Variants in DNAH5 observed in about 807,000 individuals in gnomAD.
DNAH5 encodes the protein axonemal beta dynein heavy chain 5.
DNAH5 carries 372 observed loss-of-function variants against 518.2 expected under a neutral mutation model. The observed-to-expected ratio is 0.72, with a 90% confidence interval of 0.66 to 0.78. The LOEUF (loss-of-function observed/expected upper bound fraction) is 0.78. DNAH5 is among the 30% of genes least tolerant of loss of function. DNAH5 has a pLI of 0.00. For missense variants in DNAH5, 5,523 were observed against 5,687.0 expected (o/e 0.97, Z 0.93); for synonymous variants, 2,039 against 2,025.9 (o/e 1.01, Z -0.17).
chr5:13,834,212 T>C (rs1455515597), intron 35 of DNAH5, among the ~76,000 whole-genome samples: 2 of 146,492 alleles, frequency 1.4e-5, no homozygotes, highest in African/African-American at 5.2e-5. Flanking sequence ...CTTATTTTGC[T>C]TTTAAAGTTC....
intron 76 of DNAH5, among the ~76,000 whole-genome samples, chr5:13,704,457 T>A (rs1742527928): frequency 2.0e-5 from 3 of 152,238 alleles, no homozygotes; most frequent in Non-Finnish European, 4.4e-5. Context: ...TTCCAGCAGA[T>A]GGAAGCCACT....
At chr5:13,860,529 A>G (rs977798297) in intron 29 of DNAH5, 2 of 152,148 alleles carry the variant, frequency 1.3e-5, no homozygotes, top group African/African-American at 4.8e-5. Context: ...CGTTGCAAAG[A>G]TTGAGAACAA....
chr5:13,870,660 G>T, intron 24 of DNAH5, 107 bp downstream of exon 24: 2 of 1,018,888 alleles, frequency 2.0e-6, no homozygotes, highest in Non-Finnish European at 1.5e-6. Context: ...TTATTGTCTT[G>T]GTTTAGTAAC....
rs1161358788 is a variant in DNAH5 at position 13,735,801 on chromosome 5, C to T, written c.11570+17G>A. ...ACAGATATAGAATTCAGCTTGGCTT[C>T]CCGCGTACAGACGTACCTGGCTAAG... On this transcript the variant is annotated intron_variant, in intron 67 of 78. Coordinates refer to ENST00000265104, the MANE Select transcript of DNAH5 (RefSeq NM_001369.3). 1 of 1,596,112 alleles carries T rather than the reference C, an allele frequency of 6.3e-7. No homozygotes were observed. Among genetic ancestry groups the T allele is most frequent in the East Asian group, 2.2e-5 (1 of 44,782 alleles).
intron 12 of DNAH5, among the ~76,000 whole-genome samples, chr5:13,908,647 T>TAG (rs1180945368): frequency 6.6e-6 from 1 of 152,178 alleles, no homozygotes; most frequent in Non-Finnish European, 1.5e-5. Flanking sequence ...CACCCATCCT[T>TAG]TACTAAGTAG....
chr5:13,859,708 C>T, intron 29 of DNAH5, 103 bp from the exon 30 acceptor site: 1 of 1,097,592 alleles, frequency 9.1e-7, no homozygotes, highest in Non-Finnish European at 1.4e-6. Context: ...GCTTTCTTTA[C>T]AACCTTAATT....
intron 32 of DNAH5, among the ~76,000 whole-genome samples, chr5:13,843,486 T>G (rs766317590): frequency 3.3e-5 from 5 of 152,212 alleles, no homozygotes; most frequent in African/African-American, 7.2e-5. Context: ...TCCTAAGCCC[T>G]GATACCTGTG....
chr5:13,870,658 T>C, intron 24 of DNAH5, 109 bp downstream of exon 24: 1 of 1,013,434 alleles, frequency 9.9e-7, no homozygotes, highest in South Asian at 1.4e-5. Flanking sequence ...AATTATTGTC[T>C]TGGTTTAGTA....
At chr5:13,970,687 A>G (rs1313937394) in intron 1 of DNAH5, among the ~76,000 whole-genome samples, 1 of 152,206 alleles carries the variant, frequency 6.6e-6, no homozygotes, top group South Asian at 2.1e-4. Flanking sequence ...TTTATAGGTT[A>G]CCTGATGCTT....
chr5:13,739,117 A>C (rs1748020405), intron 65 of DNAH5, among the ~76,000 whole-genome samples: 1 of 152,082 alleles, frequency 6.6e-6, no homozygotes, highest in Non-Finnish European at 1.5e-5. Context: ...CCAAGCTCAC[A>C]TCTCTAGACC....
At chr5:13,753,033 G>C (rs2126699040) in intron 63 of DNAH5, among the ~76,000 whole-genome samples, 200 bp downstream of exon 63, 1 of 151,610 alleles carries the variant, frequency 6.6e-6, no homozygotes, top group Admixed American at 6.6e-5. Context: ...GATGGCATTG[G>C]TAGAGATCAA....
intron 58 of DNAH5, among the ~76,000 whole-genome samples, chr5:13,768,159 T>C (rs1043035935): frequency 1.3e-5 from 2 of 152,164 alleles, no homozygotes; most frequent in African/African-American, 4.8e-5. Flanking sequence ...CCAAATCTCA[T>C]CGCAAACTGT....
At position 13,900,144 on chromosome 5, in the gene DNAH5, A is replaced by AT. The variant is rs1294907677; in HGVS notation, c.2259+61dup. The AT allele has an allele frequency of 4.9e-6, 7 of 1,439,670 alleles. No individual in the cohort carries two copies. The East Asian group carries it at 6.9e-5, about 14-fold the overall frequency. 89.2% of individuals were successfully genotyped at this position (1,439,670 alleles called of 1,614,324 possible). On this transcript the variant is annotated intron_variant, in intron 15 of 78. Coordinates refer to ENST00000265104, the MANE Select transcript of DNAH5 (RefSeq NM_001369.3). The stretch of plus-strand genomic sequence containing the variant: ...CTCCTTGAATATGACACATCACCAT[A>AT]TTTTTTTATAATACATTCCAGAGCT...
chr5:13,833,442 CA>C (rs59325595), intron 35 of DNAH5, among the ~76,000 whole-genome samples: 259 of 119,490 alleles, frequency 2.2e-3, no homozygotes, highest in Admixed American at 6.0e-3. Flanking sequence ...GACTCCTTCC[CA>C]AAAAAAAAAA....
At chr5:13,744,680 A>G (rs1749090709) in intron 65 of DNAH5, among the ~76,000 whole-genome samples, 1 of 152,126 alleles carries the variant, frequency 6.6e-6, no homozygotes, top group Non-Finnish European at 1.5e-5. Context: ...TTTCGTGAAC[A>G]TAGCATTTGT....
In DNAH5 at chr5:13,886,135, CAAAAAAAAA is replaced by C. The variant is rs71600031; in HGVS notation, c.2578-15_2578-7del. ...GCACCATTTACACAAAGATCCTAAC[CAAAAAAAAA>C]AAAAAAAAAAGATAGCACAGTGGTA... On this transcript the variant is annotated splice_polypyrimidine_tract_variant and splice_region_variant and intron_variant, in intron 17 of 78. Coordinates refer to ENST00000265104, the MANE Select transcript of DNAH5 (RefSeq NM_001369.3). The C allele has an allele frequency of 3.0e-6, 4 of 1,341,098 alleles. No homozygotes were observed. Among genetic ancestry groups the C allele is most frequent in the Admixed American group, 2.5e-5 (1 of 39,374 alleles). The allele number at this position is 1,341,098 out of a possible 1,614,324, so 83.1% of individuals were successfully genotyped here.
intron 65 of DNAH5, among the ~76,000 whole-genome samples, chr5:13,739,098 C>T (rs868479471): frequency 5.3e-5 from 8 of 152,076 alleles, no homozygotes; most frequent in South Asian, 2.1e-4. Context: ...GCTACCTGAA[C>T]GTATGGTACC....
chr5:13,911,771 G>T (rs1580855012), intron 11 of DNAH5, among the ~76,000 whole-genome samples: 2 of 152,178 alleles, frequency 1.3e-5, no homozygotes, highest in South Asian at 4.1e-4. Flanking sequence ...AATTGGGAAA[G>T]ATTTTTTCCA....
rs143724089 is a variant in DNAH5, at chr5:14,004,328, G to T, written c.12+7320C>A. Among the ~76,000 whole-genome samples, 451 of 152,228 alleles carry T rather than the reference G, an allele frequency of 3.0e-3. 4 individuals are homozygous for T. The highest frequency in any genetic ancestry group is 0.01 in the African/African-American group (419 of 41,540). On this transcript the variant is annotated intron_variant, in intron 1 of 78. Transcript: ENST00000681290. ...CAGCCACCTTTCTCTGATGAGCTGC[G>T]GGCTAGCTAATTAAAGGCTTTTGCT...
Sources: allele counts gnomAD v4.1 joint callset (sites outside exome capture counted in the v4.1 genomes callset), GRCh38; gene constraint gnomAD v4.1.1; transcripts MANE v1.5; gene names NCBI Gene and HGNC (gene_info 2026-07-23, HGNC 2026-07-21).